Variants in TBC1D15 observed in about 807,000 individuals in gnomAD.
TBC1D15 encodes the protein TBC1 domain family member 15.
In TBC1D15, 39 loss-of-function variants were observed where a neutral mutation model predicts 95.4. The ratio of observed to expected loss-of-function variants is 0.41; its 90% CI spans 0.32 to 0.53. The LOEUF is 0.53. TBC1D15 is among the 20% of genes least tolerant of loss of function. The pLI is 0.29. For synonymous variants in TBC1D15, 258 were observed against 261.3 expected (o/e 0.99, Z 0.12); for missense variants, 733 against 794.3 (o/e 0.92, Z 0.93).
chr12:71,852,350 G>C (rs1888032935), intron 1 of TBC1D15, among the ~76,000 whole-genome samples: 1 of 152,200 alleles, frequency 6.6e-6, no homozygotes, highest in Admixed American at 6.5e-5. Context: ...GATGGGAATG[G>C]CTGCTGCAAA....
intron 1 of TBC1D15, among the ~76,000 whole-genome samples, chr12:71,851,407 C>T (rs1299431245): frequency 6.6e-6 from 1 of 152,158 alleles, no homozygotes; most frequent in African/African-American, 2.4e-5. Flanking sequence ...TGGCCCCTCC[C>T]AAATCTCCAT....
At chr12:71,840,206 C>G (rs1052925691) in intron 1 of TBC1D15, among the ~76,000 whole-genome samples, 1 of 152,194 alleles carries the variant, frequency 6.6e-6, no homozygotes, top group Non-Finnish European at 1.5e-5. Flanking sequence ...CCCGACTTGC[C>G]TCTGTCTTCT....
intron 3 of TBC1D15, among the ~76,000 whole-genome samples, chr12:71,877,206 G>GT (rs1405279498): frequency 5.7e-5 from 8 of 139,560 alleles, no homozygotes; most frequent in African/African-American, 1.9e-4. Context: ...GTGTGTGTGT[G>GT]TGTGTTTTTT....
At chr12:71,848,690 T>G (rs2137879791) in intron 1 of TBC1D15, among the ~76,000 whole-genome samples, 1 of 152,276 alleles carries the variant, frequency 6.6e-6, no homozygotes, top group Non-Finnish European at 1.5e-5. Context: ...TCTAAGAAAA[T>G]AATGTTATGT....
At chr12:71,843,285 T>G (rs1885522158) in intron 1 of TBC1D15, among the ~76,000 whole-genome samples, 1 of 152,116 alleles carries the variant, frequency 6.6e-6, no homozygotes, top group Non-Finnish European at 1.5e-5. Flanking sequence ...AAAAGAAAAT[T>G]ACTTGAAACA....
At chr12:71,842,128 C>G (rs1224585103) in intron 1 of TBC1D15, among the ~76,000 whole-genome samples, 1 of 152,154 alleles carries the variant, frequency 6.6e-6, no homozygotes, top group Admixed American at 6.6e-5. Flanking sequence ...GAATTAGAGT[C>G]TCTCAGTGTC....
intron 3 of TBC1D15, among the ~76,000 whole-genome samples, chr12:71,877,033 A>G (rs962262177): frequency 9.2e-5 from 14 of 151,900 alleles, no homozygotes; most frequent in African/African-American, 2.4e-4. Context: ...CTGGTCTCGA[A>G]TCCCTGACCT....
At chr12:71,876,266 A>G (rs1202239507) in intron 3 of TBC1D15, among the ~76,000 whole-genome samples, 1 of 152,140 alleles carries the variant, frequency 6.6e-6, no homozygotes, top group Admixed American at 6.6e-5. Flanking sequence ...GATTAGTTAC[A>G]GCCCTGTGTC....
At chr12:71,848,323 TC>T (rs1305206914) in intron 1 of TBC1D15, among the ~76,000 whole-genome samples, 2 of 152,214 alleles carry the variant, frequency 1.3e-5, no homozygotes, top group South Asian at 2.1e-4. Flanking sequence ...GTATGAAAGT[TC>T]CAGTTGCTTC....
At position 71,839,810 on chromosome 12, in the gene TBC1D15, A is replaced by G. The variant is rs145355906; in HGVS notation, c.29A>G (p.Lys10Arg). MAAAGVVSG[K>R]IIYEQEGVYI... ...GCGGCGGCGGGTGTTGTGAGCGGGA[A>G]GGTAGGTAACGGCCTCCAGGAAGAC... Residue 10 changes from lysine (K) to arginine (R), a missense_variant and splice_region_variant, in exon 1 of 17, where the codon AAG (lysine) becomes AGG (arginine). Physicochemically the swap from Lys to Arg is conservative, Grantham distance 26. Coordinates refer to ENST00000485960, the MANE Select transcript of TBC1D15 (RefSeq NM_001146213.3). The G allele has an allele frequency of 8.1e-6, 13 of 1,614,140 alleles. No homozygotes were observed. Among genetic ancestry groups the G allele is most frequent in the African/African-American group, 8.0e-5 (6 of 75,050 alleles).
Position 71,907,053 on chromosome 12 carries a change from C to A in TBC1D15, c.1215C>A (p.Asn405Lys), listed in dbSNP as rs1900905248. ...ATGTTAACAGAACAGATCGAACAAA[C>A]AAGTTTTATGAAGGCCAAGATAATC... is the stretch of plus-strand genomic sequence containing the variant. ...EKDVNRTDRT[N>K]KFYEGQDNPG... Residue 405 changes from asparagine (N) to lysine (K), a missense_variant, in exon 11 of 17, where the codon AAC becomes AAA. Physicochemically the swap from Asn to Lys is moderately conservative, Grantham distance 94 (BLOSUM62 0). Coordinates refer to ENST00000485960, the MANE Select transcript of TBC1D15 (RefSeq NM_001146213.3). 6.2e-7 allele frequency: 1 copy of A among 1,611,320 alleles called. No individual in the cohort carries two copies. The highest frequency in any genetic ancestry group is 1.1e-5 in the South Asian group (1 of 90,610).
intron 16 of TBC1D15, 36 bp downstream of exon 16, chr12:71,921,490 G>A (rs999120219): frequency 7.7e-6 from 10 of 1,297,806 alleles, no homozygotes; most frequent in Non-Finnish European, 9.4e-6. Context: ...AGATTTGTTT[G>A]TTTTTGGTGG....
chr12:71,855,633 A>C (rs1272258484), intron 1 of TBC1D15, among the ~76,000 whole-genome samples: 2 of 136,648 alleles, frequency 1.5e-5, no homozygotes, highest in Admixed American at 1.7e-4. Context: ...GCACCACTGC[A>C]CTCCAGCCTG....
chr12:71,850,058 G>C (rs1887377813), intron 1 of TBC1D15: 4 of 520,276 alleles, frequency 7.7e-6, no homozygotes, highest in South Asian at 6.8e-5. Flanking sequence ...TCCCGGAACA[G>C]CCATCGCTGT....
At chr12:71,864,036 A>G (rs1890943717) in intron 1 of TBC1D15, among the ~76,000 whole-genome samples, 1 of 150,362 alleles carries the variant, frequency 6.7e-6, no homozygotes, top group Non-Finnish European at 1.5e-5. Flanking sequence ...CTGCTACTAG[A>G]GAATTGTTAT....
chr12:71,859,227 A>G (rs1357612198), intron 1 of TBC1D15, among the ~76,000 whole-genome samples: 2 of 152,190 alleles, frequency 1.3e-5, no homozygotes, highest in Non-Finnish European at 2.9e-5. Flanking sequence ...TGCTCTGAAT[A>G]TAAACTTCCT....
At chr12:71,865,678 C>T (rs1477968246) in intron 1 of TBC1D15, among the ~76,000 whole-genome samples, 1 of 152,118 alleles carries the variant, frequency 6.6e-6, no homozygotes, top group African/African-American at 2.4e-5. Flanking sequence ...AATCCAGCTC[C>T]AGGGAAGCAA....
intron 1 of TBC1D15, chr12:71,861,273 A>G (rs554794517): frequency 2.2e-4 from 97 of 437,582 alleles, no homozygotes; most frequent in African/African-American, 1.7e-3. Flanking sequence ...GAGTTTGGGA[A>G]GAATTGACAT....
intron 10 of TBC1D15, among the ~76,000 whole-genome samples, chr12:71,899,918 C>T (rs1434631155): frequency 1.3e-5 from 2 of 152,022 alleles, no homozygotes; most frequent in African/African-American, 4.8e-5. Context: ...GCGATTGTGC[C>T]ACTACACTCC....
Sources: allele counts gnomAD v4.1 joint callset (sites outside exome capture counted in the v4.1 genomes callset), GRCh38; gene constraint gnomAD v4.1.1; transcripts MANE v1.5; gene names NCBI Gene and HGNC (gene_info 2026-07-23, HGNC 2026-07-21).